Variants in HDAC9 observed in about 807,000 individuals in gnomAD.
The protein encoded by HDAC9 is MEF-2 interacting transcription repressor (MITR) protein.
In HDAC9, 41 loss-of-function variants were observed where a neutral mutation model predicts 139.4. The ratio of observed to expected loss-of-function variants is 0.29; its 90% CI spans 0.23 to 0.38. The LOEUF is 0.38. Among genes scored for constraint, HDAC9 ranks in the 10% least tolerant of loss-of-function variants. HDAC9 has a pLI of 1.00. For synonymous variants in HDAC9, 517 were observed against 476.2 expected (o/e 1.09, Z -1.12); for missense variants, 1,147 against 1,297.0 (o/e 0.88, Z 1.78).
intron 2 of HDAC9, among the ~76,000 whole-genome samples, chr7:18,178,372 A>G (rs1789122468): frequency 6.6e-6 from 1 of 152,238 alleles, no homozygotes. Context: ...GGCGTGAGCC[A>G]CTGCACCCGG....
chr7:18,555,126 C>G (rs951422553), intron 2 of HDAC9, among the ~76,000 whole-genome samples: 1 of 152,108 alleles, frequency 6.6e-6, no homozygotes, highest in Non-Finnish European at 1.5e-5. Flanking sequence ...TTTAATATAA[C>G]TTTGCTCATT....
intron 1 of HDAC9, among the ~76,000 whole-genome samples, chr7:18,089,550 G>A (rs1406009679): frequency 6.6e-6 from 1 of 151,982 alleles, no homozygotes; most frequent in East Asian, 1.9e-4. Flanking sequence ...CTTAAGGCCA[G>A]CTGACCAGAT....
At chr7:18,422,528 G>C (rs922312224) in intron 1 of HDAC9, among the ~76,000 whole-genome samples, 1 of 152,034 alleles carries the variant, frequency 6.6e-6, no homozygotes, top group African/African-American at 2.4e-5. Flanking sequence ...AATAGTGGTG[G>C]TCTCTAAAGA....
chr7:18,927,321 C>G (rs1183777375), intron 22 of HDAC9, among the ~76,000 whole-genome samples: 1 of 152,138 alleles, frequency 6.6e-6, no homozygotes, highest in East Asian at 1.9e-4. Context: ...AAGCATTCCT[C>G]CCATCTGCAA....
At chr7:18,956,266 G>A (rs1257324720) in intron 24 of HDAC9, among the ~76,000 whole-genome samples, 3 of 152,018 alleles carry the variant, frequency 2.0e-5, no homozygotes, top group African/African-American at 4.8e-5. Context: ...GAGCATTACT[G>A]ATGATCCAAT....
At chr7:18,569,019 C>A (rs887432592) in intron 2 of HDAC9, among the ~76,000 whole-genome samples, 2 of 152,006 alleles carry the variant, frequency 1.3e-5, no homozygotes, top group Admixed American at 1.3e-4. Flanking sequence ...TGCACTCCAG[C>A]CTGGGCAACA....
At chr7:18,824,044 G>GGAAGAGGAGGAGGAA (rs71309048) in intron 17 of HDAC9, among the ~76,000 whole-genome samples, 1 of 67,118 alleles carries the variant, frequency 1.5e-5, no homozygotes, top group Admixed American at 1.6e-4. Context: ...AAGAGGAAGA[G>GGAAGAGGAGGAGGAA]GAAGAAGAAG....
At chr7:18,745,671 C>T (rs1403022752) in intron 13 of HDAC9, among the ~76,000 whole-genome samples, 1 of 150,626 alleles carries the variant, frequency 6.6e-6, no homozygotes, top group Admixed American at 6.6e-5. Flanking sequence ...CTCAGCCTCC[C>T]GAGTAGCTGG....
chr7:18,752,523 C>T (rs910359811), intron 14 of HDAC9, among the ~76,000 whole-genome samples: 2 of 152,052 alleles, frequency 1.3e-5, no homozygotes, highest in African/African-American at 2.4e-5. Context: ...TGTTCCTTTG[C>T]CTAGTTGTGT....
At chr7:18,865,700 C>A (rs943724521) in intron 21 of HDAC9, among the ~76,000 whole-genome samples, 1 of 152,078 alleles carries the variant, frequency 6.6e-6, no homozygotes, top group African/African-American at 2.4e-5. Context: ...GATGTGCTGC[C>A]TTCACCACTT....
At chr7:18,642,917 T>C (rs1786162722) in intron 8 of HDAC9, among the ~76,000 whole-genome samples, 1 of 152,110 alleles carries the variant, frequency 6.6e-6, no homozygotes. Flanking sequence ...TCAAATCCCC[T>C]AGTCCATATC....
chr7:18,255,948 A>G (rs1002647584), intron 2 of HDAC9, among the ~76,000 whole-genome samples: 4 of 151,838 alleles, frequency 2.6e-5, no homozygotes, highest in Non-Finnish European at 5.9e-5. Flanking sequence ...AGTTTTCACA[A>G]CTCATCATGT....
At chr7:18,805,177 C>A (rs763130617) in intron 17 of HDAC9, among the ~76,000 whole-genome samples, 8 of 152,178 alleles carry the variant, frequency 5.3e-5, no homozygotes, top group Non-Finnish European at 1.0e-4. Context: ...CCCACTTAAA[C>A]TAAATGTGCA....
intron 22 of HDAC9, among the ~76,000 whole-genome samples, chr7:18,897,467 G>A (rs1358776086): frequency 6.6e-6 from 1 of 151,894 alleles, no homozygotes. Flanking sequence ...AAAATGCAGT[G>A]TTACAATTTA....
Position 18,267,237 on chromosome 7 carries a change from G to A in HDAC9, c.25+104888G>A, listed in dbSNP as rs539132426. On this transcript the variant is annotated intron_variant, in intron 2 of 12. Coordinates refer to the HDAC9 transcript ENST00000417496. The stretch of plus-strand genomic sequence containing the variant: ...TGTTTTGAAACATGTATACATTGTG[G>A]TGCAGCTAAGTTGAGATAATTAATT... Among the ~76,000 whole-genome samples, 6 of 152,100 alleles carry A rather than the reference G, an allele frequency of 3.9e-5. No homozygotes were observed. The East Asian group carries it at 5.8e-4, about 15-fold the overall frequency.
rs576178930 is a variant in HDAC9, at chr7:18,192,461, C to T, written c.25+30112C>T. The stretch of plus-strand genomic sequence containing the variant: ...TTACGTTGCCAGATTTGGTAGTAGT[C>T]ATGCACCCTGGGAAAATCACTGGCA... On this transcript the variant is annotated intron_variant, in intron 2 of 12. Transcript: ENST00000417496. 5.3e-5 allele frequency among the ~76,000 whole-genome samples: 8 copies of T among 152,190 alleles called. No individual in the cohort carries two copies. The South Asian group carries it at 6.2e-4, about 12-fold the overall frequency.
chr7:18,709,554 T>C (rs117659547), intron 12 of HDAC9, among the ~76,000 whole-genome samples: 164 of 152,222 alleles, frequency 1.1e-3, no homozygotes, highest in Admixed American at 2.0e-3. Context: ...TTTAGAAACA[T>C]ATCTCAGAGT....
chr7:18,518,731 C>T (rs903107552), intron 2 of HDAC9, among the ~76,000 whole-genome samples: 3 of 152,326 alleles, frequency 2.0e-5, no homozygotes, highest in East Asian at 1.9e-4. Flanking sequence ...AATGCAGTTA[C>T]GGAAAGGCCA....
intron 12 of HDAC9, among the ~76,000 whole-genome samples, chr7:18,683,008 A>T (rs986606022): frequency 6.6e-6 from 1 of 151,904 alleles, no homozygotes; most frequent in African/African-American, 2.4e-5. Context: ...TTTAAAGACA[A>T]TTTATTTGTT....
Sources: allele counts gnomAD v4.1 joint callset (sites outside exome capture counted in the v4.1 genomes callset), GRCh38; gene constraint gnomAD v4.1.1; transcripts MANE v1.5; gene names NCBI Gene and HGNC (gene_info 2026-07-23, HGNC 2026-07-21).